Variants in SLC35D4 observed in about 807,000 individuals in gnomAD.
The protein encoded by SLC35D4 is UDP-N-acetylglucosamine transporter SLC35D4.
chr18:23,326,368 C>G, the SLC35D4 span, among the ~76,000 whole-genome samples: 28 of 151,964 alleles, frequency 1.8e-4, no homozygotes, highest in Non-Finnish European at 3.4e-4. Context: ...ATCTACCAAG[C>G]AAATGGAAAG....
chr18:23,370,102 C>G, the SLC35D4 span: 9 of 828,482 alleles, frequency 1.1e-5, no homozygotes, highest in Non-Finnish European at 1.6e-5. Flanking sequence ...TCGCTTGAAC[C>G]CGGGGGGTGG....
the SLC35D4 span, among the ~76,000 whole-genome samples, chr18:23,292,515 G>A: frequency 1.3e-5 from 2 of 152,212 alleles, no homozygotes; most frequent in Non-Finnish European, 2.9e-5. Context: ...AAGGGAAGGA[G>A]CATGGCCTTC....
chr18:23,336,033 ATAGC>A, the SLC35D4 span, among the ~76,000 whole-genome samples: 1 of 152,154 alleles, frequency 6.6e-6, no homozygotes, highest in Non-Finnish European at 1.5e-5. Context: ...GGCATTAAAA[ATAGC>A]TCGGAAAAAA....
the SLC35D4 span, among the ~76,000 whole-genome samples, chr18:23,310,748 C>T: frequency 4.6e-5 from 7 of 152,068 alleles, no homozygotes; most frequent in African/African-American, 1.7e-4. Context: ...TGAACCTCAT[C>T]GTCACGCATT....
the SLC35D4 span, among the ~76,000 whole-genome samples, chr18:23,338,003 T>A: frequency 6.6e-6 from 1 of 152,354 alleles, no homozygotes; most frequent in East Asian, 1.9e-4. Context: ...GCGGTCATGT[T>A]ACCCACAAGG....
chr18:23,379,331 C>T, the SLC35D4 span, among the ~76,000 whole-genome samples: 1 of 152,058 alleles, frequency 6.6e-6, no homozygotes, highest in Non-Finnish European at 1.5e-5. Flanking sequence ...ACCATGTTGG[C>T]CAGGCTGGTC....
the SLC35D4 span, among the ~76,000 whole-genome samples, chr18:23,324,564 A>G: frequency 6.6e-6 from 1 of 152,226 alleles, no homozygotes; most frequent in Non-Finnish European, 1.5e-5. Context: ...GCAACATGAA[A>G]GGCGAGATCT....
At chr18:23,412,888 C>A in the SLC35D4 span, among the ~76,000 whole-genome samples, 1 of 152,228 alleles carries the variant, frequency 6.6e-6, no homozygotes, top group Non-Finnish European at 1.5e-5. Context: ...ACTCCTGGCA[C>A]ATCTGTTGGC....
the SLC35D4 span, among the ~76,000 whole-genome samples, chr18:23,363,108 G>T: frequency 6.6e-6 from 1 of 151,610 alleles, no homozygotes; most frequent in African/African-American, 2.4e-5. Context: ...AGCTGGGCAT[G>T]GTGGCAGGTG....
chr18:23,313,938 C>T, the SLC35D4 span, among the ~76,000 whole-genome samples: 2 of 152,252 alleles, frequency 1.3e-5, no homozygotes, highest in African/African-American at 4.8e-5. Flanking sequence ...CTGGCTCTGG[C>T]CAGACCTTGG....
the SLC35D4 span, among the ~76,000 whole-genome samples, chr18:23,361,109 AAAAAAAAAAAAAAAAAG>A: frequency 8.7e-6 from 1 of 115,212 alleles, no homozygotes; most frequent in Non-Finnish European, 1.7e-5. Context: ...GTCTCAAAAA[AAAAAAAAAAAAAAAAAG>A]AAAAAGAAAA....
At chr18:23,241,358 C>G in the SLC35D4 span, among the ~76,000 whole-genome samples, 1 of 152,028 alleles carries the variant, frequency 6.6e-6, no homozygotes, top group Non-Finnish European at 1.5e-5. Flanking sequence ...TGATGAAACT[C>G]TGTCTCTACT....
At chr18:23,371,957 A>T in the SLC35D4 span, among the ~76,000 whole-genome samples, 1 of 852 alleles carries the variant, frequency 1.2e-3, no homozygotes, top group South Asian at 0.038. Context: ...TTTTTTTGAG[A>T]CGGAGTCTCG....
chr18:23,406,860 C>T, the SLC35D4 span, among the ~76,000 whole-genome samples: 1 of 152,130 alleles, frequency 6.6e-6, no homozygotes, highest in South Asian at 2.1e-4. Flanking sequence ...GGCTGGAGTG[C>T]AGTGTGCCAT....
the SLC35D4 span, among the ~76,000 whole-genome samples, chr18:23,435,780 C>T: frequency 6.6e-6 from 1 of 152,224 alleles, no homozygotes; most frequent in Non-Finnish European, 1.5e-5. Context: ...ACTGCAACCT[C>T]CGCCTCCCTG....
At chr18:23,421,740 A>T in the SLC35D4 span, among the ~76,000 whole-genome samples, 1 of 145,558 alleles carries the variant, frequency 6.9e-6, no homozygotes, top group Non-Finnish European at 1.5e-5. Context: ...GCAATGTTGC[A>T]ATCTCGGCTC....
the SLC35D4 span, among the ~76,000 whole-genome samples, chr18:23,396,856 A>G: frequency 2.6e-5 from 4 of 152,024 alleles, no homozygotes; most frequent in South Asian, 4.2e-4. Context: ...CTCCTTCAAA[A>G]TGTCTTGCAA....
the SLC35D4 span, among the ~76,000 whole-genome samples, chr18:23,334,988 G>A: frequency 6.6e-6 from 1 of 151,572 alleles, no homozygotes; most frequent in Non-Finnish European, 1.5e-5. Flanking sequence ...CTGAGCGACA[G>A]AGCGAGACTC....
the SLC35D4 span, among the ~76,000 whole-genome samples, chr18:23,289,774 C>A: frequency 6.6e-6 from 1 of 152,254 alleles, no homozygotes; most frequent in Non-Finnish European, 1.5e-5. Flanking sequence ...CTGTTCCTGC[C>A]TTAACTGATG....
Sources: allele counts gnomAD v4.1 joint callset (sites outside exome capture counted in the v4.1 genomes callset), GRCh38; gene constraint gnomAD v4.1.1; transcripts MANE v1.5; gene names NCBI Gene and HGNC (gene_info 2026-07-23, HGNC 2026-07-21).